The following TECR variants were observed in gnomAD, a reference collection of about 807,000 sequenced individuals.
TECR encodes the protein very-long-chain enoyl-CoA reductase.
TECR carries 19 observed loss-of-function variants against 50.6 expected under a neutral mutation model. That is an observed-to-expected ratio of 0.38 (90% CI 0.26 to 0.55). The LOEUF is 0.55. Ranked by LOEUF, TECR falls within the 20% of genes least tolerant of loss-of-function variation. The pLI is 0.79. For synonymous variants in TECR, 168 were observed against 163.5 expected (o/e 1.03, Z -0.21); for missense variants, 313 against 408.3 (o/e 0.77, Z 2.01).
intron 1 of TECR, among the ~76,000 whole-genome samples, chr19:14,546,200 C>T (rs186047981): frequency 1.3e-5 from 2 of 152,216 alleles, no homozygotes; most frequent in South Asian, 2.1e-4. Context: ...GAAATCATTA[C>T]AGACATTTCC....
chr19:14,562,350 T>C, intron 1 of TECR, 175 bp from the exon 2 acceptor site: 2 of 706,452 alleles, frequency 2.8e-6, no homozygotes, highest in South Asian at 1.6e-5. Context: ...CTGGGGCTGC[T>C]GGCCACCGTG....
rs1223296703 is a variant in TECR at position 14,529,688 on chromosome 19, G to A, written c.-9G>A. On this transcript the variant is annotated 5_prime_UTR_variant, in exon 1 of 13. Coordinates refer to ENST00000215567, the MANE Select transcript of TECR (RefSeq NM_138501.6). The stretch of plus-strand genomic sequence containing the variant: ...AGCCGCGGAGCAGTAGCCGCCGTGG[G>A]AGGGAGCCATGAAGCATTACGAGGT... 3 of 1,613,964 alleles carry A rather than the reference G, an allele frequency of 1.9e-6. No individual in the cohort carries two copies. The highest frequency in any genetic ancestry group is 2.2e-5 in the East Asian group (1 of 44,888).
chr19:14,536,912 A>G (rs1315097156), intron 1 of TECR, among the ~76,000 whole-genome samples: 3 of 148,186 alleles, frequency 2.0e-5, no homozygotes, highest in Non-Finnish European at 3.0e-5. Context: ...GACAAGTAGT[A>G]CGGCCCTACT....
At chr19:14,556,909 G>A (rs1240924481) in intron 1 of TECR, among the ~76,000 whole-genome samples, 3 of 152,112 alleles carry the variant, frequency 2.0e-5, no homozygotes, top group Non-Finnish European at 2.9e-5. Context: ...CCTCTGCACC[G>A]AAAGTATCTC....
chr19:14,561,549 C>T (rs1331781844), intron 1 of TECR, among the ~76,000 whole-genome samples: 1 of 152,144 alleles, frequency 6.6e-6, no homozygotes, highest in Non-Finnish European at 1.5e-5. Context: ...GCAGGAAGCG[C>T]CGGGCTTTAG....
At chr19:14,535,496 G>A (rs1325210101) in intron 1 of TECR, among the ~76,000 whole-genome samples, 1 of 89,212 alleles carries the variant, frequency 1.1e-5, no homozygotes, top group African/African-American at 4.8e-5. Flanking sequence ...GACAGAGCGA[G>A]ACTCCGTCTC....
chr19:14,529,666 C>A lies in TECR; in HGVS notation c.-31C>A, dbSNP rs907232562. On this transcript the variant is annotated 5_prime_UTR_variant, in exon 1 of 13. Coordinates refer to ENST00000215567, the MANE Select transcript of TECR (RefSeq NM_138501.6). ...TGCCGCGCAGTTAGGCAGCAGCAGCCGCGGAGCAGTAGCCGCCGTGGGAGG... is the reference window on the plus strand; with the variant it reads ...TGCCGCGCAGTTAGGCAGCAGCAGCAGCGGAGCAGTAGCCGCCGTGGGAGG... The A allele has an allele frequency of 3.1e-6, 5 of 1,613,744 alleles. No homozygotes were observed.
chr19:14,555,939 C>T (rs1047913235), intron 1 of TECR, among the ~76,000 whole-genome samples: 2 of 152,164 alleles, frequency 1.3e-5, no homozygotes, highest in African/African-American at 2.4e-5. Context: ...GCCCTCACTC[C>T]TCCAGTCTGT....
chr19:14,533,056 G>A (rs868553836), intron 1 of TECR, among the ~76,000 whole-genome samples: 2 of 152,054 alleles, frequency 1.3e-5, no homozygotes, highest in East Asian at 3.9e-4. Flanking sequence ...GAGTTGCCAT[G>A]AGCTGAGATC....
In TECR at chr19:14,546,991, A is replaced by G. The variant is rs535261649; in HGVS notation, c.16-15534A>G. Among the ~76,000 whole-genome samples, 13 of 152,294 alleles carry G rather than the reference A, an allele frequency of 8.5e-5. No individual in the cohort carries two copies. The South Asian group carries it at 1.9e-3, about 22-fold the overall frequency. ...ATTACAGGCATGAGCCACTGCACCC[A>G]GCCTAAAAATTAAATTTCAATTTGA... On this transcript the variant is annotated intron_variant, in intron 1 of 12. Transcript: ENST00000215567.
rs757125045 is a variant in TECR at position 14,563,725 on chromosome 19, C to G, written c.163+23C>G. On this transcript the variant is annotated intron_variant, in intron 4 of 12. Coordinates refer to ENST00000215567, the MANE Select transcript of TECR (RefSeq NM_138501.6). This position sits in a 1 kb window ranked among gnomAD's most constrained non-coding sequence, Gnocchi z 5.3. ...CCAGTGAGTACAGCTGTCCACTCGG[C>G]CCGCCCCCTGGGCTCCTGGGTGGCA... 1.9e-6 allele frequency: 3 copies of G among 1,613,112 alleles called. No individual in the cohort carries two copies. Among genetic ancestry groups the G allele is most frequent in the East Asian group, 2.2e-5 (1 of 44,878 alleles).
At chr19:14,565,473 C>A (rs10405022) in intron 11 of TECR, 145 bp from the exon 12 acceptor site, 2 of 1,399,772 alleles carry the variant, frequency 1.4e-6, no homozygotes, top group African/African-American at 1.4e-5. Context: ...GGGCTTCCGC[C>A]GTATACAGCC....
chr19:14,556,865 A>G (rs1432809076), intron 1 of TECR, among the ~76,000 whole-genome samples: 1 of 152,112 alleles, frequency 6.6e-6, no homozygotes, highest in Non-Finnish European at 1.5e-5. Context: ...CGCCGCTTGC[A>G]GCCAGTCATC....
At chr19:14,530,381 T>TC (rs2072588629) in intron 1 of TECR, 1 of 153,192 alleles carries the variant, frequency 6.5e-6, no homozygotes, top group African/African-American at 2.4e-5. Flanking sequence ...AACGAAGTCT[T>TC]CTGATGTGCT....
Position 14,544,797 on chromosome 19 carries a change from T to A in TECR, c.15+15086T>A, listed in dbSNP as rs150989289. On this transcript the variant is annotated intron_variant, in intron 1 of 12. Coordinates refer to ENST00000215567, the MANE Select transcript of TECR (RefSeq NM_138501.6). ...ACAGGTGCATGCCATCACGCCCGGC[T>A]AATTTGAAAATTTTCTGTAGAGATG... is the stretch of plus-strand genomic sequence containing the variant. Among the ~76,000 whole-genome samples the A allele has an allele frequency of 9.3e-4, 141 of 152,156 alleles. 3 individuals are homozygous for A. The Middle Eastern group carries it at 0.01, about 11-fold the overall frequency.
intron 1 of TECR, among the ~76,000 whole-genome samples, chr19:14,546,698 T>G (rs1450087046): frequency 6.6e-6 from 1 of 152,224 alleles, no homozygotes. Context: ...TTCTTTTCTT[T>G]TTTTAAGACG....
At chr19:14,547,785 A>G (rs1336347142) in intron 1 of TECR, among the ~76,000 whole-genome samples, 3 of 150,068 alleles carry the variant, frequency 2.0e-5, no homozygotes, top group African/African-American at 7.4e-5. Flanking sequence ...TAGCTTCCTG[A>G]TTATGCTAGG....
At chr19:14,528,628 G>C (rs1026901550), upstream of TECR, among the ~76,000 whole-genome samples, 3 of 152,072 alleles carry the variant, frequency 2.0e-5, no homozygotes, top group Non-Finnish European at 4.4e-5. Context: ...TAGTTCCCCT[G>C]TCCATAGGGC....
chr19:14,539,036 C>A (rs1483047109), intron 1 of TECR, among the ~76,000 whole-genome samples: 1 of 148,146 alleles, frequency 6.8e-6, no homozygotes, highest in African/African-American at 2.5e-5. Flanking sequence ...TTCAGTGGCT[C>A]CATCTCGGCT....
Sources: gnomAD v4.1 joint callset for allele counts (sites outside exome capture counted in the v4.1 genomes callset) on GRCh38, gnomAD v4.1.1 for gene constraint, Gnocchi (gnomAD v3.1) non-coding constraint, MANE v1.5 for transcripts, NCBI Gene and HGNC (gene_info 2026-07-23, HGNC 2026-07-21) for gene names.